The following PLCL1 variants were observed in gnomAD, a reference collection of about 807,000 sequenced individuals.
PLCL1 encodes the protein inactive phospholipase C-like protein 1.
Under a neutral mutation model 84.4 loss-of-function variants are expected in PLCL1, and 41 were observed. The observed-to-expected ratio is 0.49, with a 90% CI of 0.38 to 0.63. PLCL1 has a LOEUF of 0.63. Among genes scored for constraint, PLCL1 ranks in the 30% least tolerant of loss-of-function variants. The probability of loss-of-function intolerance (pLI) is 0.00; values close to 1 mark genes in which losing one functional copy is unlikely to be tolerated. For synonymous variants in PLCL1, 490 were observed against 488.3 expected (o/e 1.00, Z -0.05); for missense variants, 1,206 against 1,367.8 (o/e 0.88, Z 1.87).
chr2:197,858,419 G>A (rs542934228), intron 1 of PLCL1, among the ~76,000 whole-genome samples: 1 of 152,284 alleles, frequency 6.6e-6, no homozygotes, highest in East Asian at 1.9e-4. Context: ...TTAAGCCTGT[G>A]GTCTCCATTC....
intron 1 of PLCL1, among the ~76,000 whole-genome samples, chr2:197,989,623 G>A (rs1182828901): frequency 6.6e-6 from 1 of 152,080 alleles, no homozygotes; most frequent in African/African-American, 2.4e-5. Flanking sequence ...AGAATCATCT[G>A]AACACAGGAG....
At chr2:198,140,681 C>T (rs1694364812) in intron 5 of PLCL1, among the ~76,000 whole-genome samples, 1 of 152,116 alleles carries the variant, frequency 6.6e-6, no homozygotes, top group African/African-American at 2.4e-5. Flanking sequence ...CTGAGCCTTT[C>T]ATATGGCTTA....
chr2:198,061,039 T>A (rs1016480417), intron 1 of PLCL1, among the ~76,000 whole-genome samples: 2 of 152,150 alleles, frequency 1.3e-5, no homozygotes, highest in Non-Finnish European at 2.9e-5. Context: ...CAAATCCCAA[T>A]TGGAAGTAAG....
chr2:197,812,656 A>G (rs1322166394), intron 1 of PLCL1, among the ~76,000 whole-genome samples: 1 of 152,234 alleles, frequency 6.6e-6, no homozygotes, highest in Admixed American at 6.5e-5. Flanking sequence ...CAATATGTAT[A>G]AGCAGGCAAA....
chr2:198,091,043 G>A (rs558817582), intron 3 of PLCL1, among the ~76,000 whole-genome samples: 16 of 152,186 alleles, frequency 1.1e-4, no homozygotes, highest in East Asian at 3.8e-4. Flanking sequence ...AAAAGGCTAC[G>A]GTGGAAGCAG....
Position 197,949,445 on chromosome 2 carries a change from G to T in PLCL1, c.241-134313G>T, listed in dbSNP as rs149878868. 6.4e-4 allele frequency among the ~76,000 whole-genome samples: 98 copies of T among 152,204 alleles called. 4 individuals carry two copies. In the South Asian group the frequency reaches 0.014, roughly 22 times the overall value. ...TTCCACTTCAATCTTGTGTAATGGG[G>T]TAAAAAGTTAAACTCATGATCTTAA... is the stretch of plus-strand genomic sequence containing the variant. On this transcript the variant is annotated intron_variant, in intron 1 of 5. Coordinates refer to ENST00000428675, the MANE Select transcript of PLCL1 (RefSeq NM_006226.4).
At position 198,149,046 on chromosome 2, in the gene PLCL1, C is replaced by T. The variant is rs1208323188; in HGVS notation, c.*2084C>T. On this transcript the variant is annotated 3_prime_UTR_variant, in exon 6 of 6. Coordinates refer to ENST00000428675, the MANE Select transcript of PLCL1 (RefSeq NM_006226.4). Reference sequence around the variant, plus strand: ...GTCAGCCATACTCTGCTTCATTCCACTGGGTGTCCTTGCTAGATGGGGAGT... The same window carrying T: ...GTCAGCCATACTCTGCTTCATTCCATTGGGTGTCCTTGCTAGATGGGGAGT... 6.6e-6 allele frequency: 1 copy of T among 152,432 alleles called. No homozygotes were observed. Among genetic ancestry groups the T allele is most frequent in the Non-Finnish European group, 1.5e-5 (1 of 68,086 alleles). 9.4% of individuals were successfully genotyped at this position (152,432 alleles called of 1,614,324 possible). A position where few individuals can be genotyped will look rare whatever the true frequency, so the allele number is the denominator to read the frequency against.
chr2:198,009,671 T>C (rs1690820117), intron 1 of PLCL1, among the ~76,000 whole-genome samples: 2 of 152,114 alleles, frequency 1.3e-5, no homozygotes, highest in East Asian at 3.9e-4. Context: ...TTGGGCCCCT[T>C]AAGATCCTGT....
At chr2:197,826,433 G>A (rs1376167867) in intron 1 of PLCL1, among the ~76,000 whole-genome samples, 2 of 152,172 alleles carry the variant, frequency 1.3e-5, no homozygotes, top group South Asian at 2.1e-4. Context: ...ATGTGAAGAT[G>A]AGGAAGAATG....
intron 1 of PLCL1, among the ~76,000 whole-genome samples, chr2:197,836,546 A>T (rs1283563436): frequency 6.6e-6 from 1 of 150,748 alleles, no homozygotes; most frequent in Non-Finnish European, 1.5e-5. Context: ...ATAAAAGGAG[A>T]TTTAACTTAA....
intron 1 of PLCL1, among the ~76,000 whole-genome samples, chr2:198,063,810 A>G (rs995361441): frequency 1.3e-5 from 2 of 152,154 alleles, no homozygotes; most frequent in Non-Finnish European, 2.9e-5. Context: ...CTCTCTGATG[A>G]TTTGAAATAG....
intron 1 of PLCL1, among the ~76,000 whole-genome samples, chr2:197,927,041 C>T (rs955202043): frequency 6.6e-6 from 1 of 152,146 alleles, no homozygotes; most frequent in East Asian, 1.9e-4. Flanking sequence ...CAGCTAAGTT[C>T]CAAGAGTGAG....
At chr2:197,881,230 T>G (rs1009734699) in intron 1 of PLCL1, among the ~76,000 whole-genome samples, 3 of 152,144 alleles carry the variant, frequency 2.0e-5, no homozygotes, top group Non-Finnish European at 2.9e-5. Context: ...ATGTGACGGT[T>G]TCAGCACCTT....
intron 1 of PLCL1, among the ~76,000 whole-genome samples, chr2:198,020,070 T>C (rs574492081): frequency 6.6e-6 from 1 of 152,040 alleles, no homozygotes; most frequent in South Asian, 2.1e-4. Flanking sequence ...CAGAAGAGAG[T>C]GGGGACCAAT....
In PLCL1 at chr2:198,148,896, G is replaced by A. The variant is rs1044217664; in HGVS notation, c.*1934G>A. 2.0e-5 allele frequency: 3 copies of A among 152,278 alleles called. No individual in the cohort carries two copies. Among genetic ancestry groups the A allele is most frequent in the African/African-American group, 7.2e-5 (3 of 41,446 alleles). 9.4% of individuals were successfully genotyped at this position (152,278 alleles called of 1,614,324 possible). ...TACTCCAGGGTCAAATCCAATCCTT[G>A]GAAGTAGCTTCTCTAGTTTATTTTA... On this transcript the variant is annotated 3_prime_UTR_variant, in exon 6 of 6. Coordinates refer to ENST00000428675, the MANE Select transcript of PLCL1 (RefSeq NM_006226.4).
At chr2:198,078,547 G>C (rs1692635902) in intron 1 of PLCL1, among the ~76,000 whole-genome samples, 1 of 151,924 alleles carries the variant, frequency 6.6e-6, no homozygotes, top group Non-Finnish European at 1.5e-5. Flanking sequence ...TTTCTTAAGA[G>C]AACTTTTCAA....
At position 197,805,163 on chromosome 2, in the gene PLCL1, G is replaced by A. The variant is rs764872250; in HGVS notation, c.64G>A (p.Asp22Asn). 17 of 1,300,476 alleles carry A rather than the reference G, an allele frequency of 1.3e-5. No individual in the cohort carries two copies. In the East Asian group the frequency reaches 2.2e-4, roughly 17 times the overall value. 80.6% of individuals were successfully genotyped at this position (1,300,476 alleles called of 1,614,324 possible). A position where few individuals can be genotyped will look rare whatever the true frequency, so the allele number is the denominator to read the frequency against. Reference sequence around the variant, plus strand: ...GCCCGACGCGGCGGGGGGCGAAGACGACCCCCGAGTGGGCCCGGATGCCGC... The same window carrying A: ...GCCCGACGCGGCGGGGGGCGAAGACAACCCCCGAGTGGGCCCGGATGCCGC... ...APPDAAGGEDDPRVGPDAAGD... is the reference protein window; with the variant it reads ...APPDAAGGEDNPRVGPDAAGD... Residue 22 changes from aspartate to asparagine, a missense_variant, in exon 1 of 6, where the codon GAC (aspartate) becomes AAC (asparagine). Asp to Asn is a conservative substitution (Grantham distance 23). Transcript: ENST00000428675. This position sits in a 1 kb window ranked among gnomAD's most constrained non-coding sequence, Gnocchi z 4.0.
chr2:197,902,549 T>A (rs539672550), intron 1 of PLCL1, among the ~76,000 whole-genome samples: 1 of 152,230 alleles, frequency 6.6e-6, no homozygotes, highest in Admixed American at 6.5e-5. Context: ...TCCTGTTTTT[T>A]ATCTCTGGAA....
Position 198,147,007 on chromosome 2 carries a change from G to T in PLCL1, c.*45G>T. The T allele has an allele frequency of 1.4e-6, 2 of 1,458,338 alleles. No homozygotes were observed. The highest frequency in any genetic ancestry group is 1.8e-6 in the Non-Finnish European group (2 of 1,084,546). 90.3% of individuals were successfully genotyped at this position (1,458,338 alleles called of 1,614,324 possible). A position where few individuals can be genotyped will look rare whatever the true frequency, so the allele number is the denominator to read the frequency against. ...GTTCACCCATCTTATCAAGGACTCT[G>T]GTTTCTCATTCTTGTTTTCTTTCTT... On this transcript the variant is annotated 3_prime_UTR_variant, in exon 6 of 6. Coordinates refer to ENST00000428675, the MANE Select transcript of PLCL1 (RefSeq NM_006226.4).
Sources: gnomAD v4.1 joint callset for allele counts (sites outside exome capture counted in the v4.1 genomes callset) on GRCh38, gnomAD v4.1.1 for gene constraint, Gnocchi (gnomAD v3.1) non-coding constraint, MANE v1.5 for transcripts, NCBI Gene and HGNC (gene_info 2026-07-23, HGNC 2026-07-21) for gene names.